The following ATP10B variants were observed in gnomAD, a reference collection of about 807,000 sequenced individuals.
ATP10B encodes the protein ATPase phospholipid transporting 10B (putative), also known as phospholipid-transporting ATPase VB.
In ATP10B, 122 loss-of-function variants were observed where a neutral mutation model predicts 141.2. That is an observed-to-expected ratio of 0.86 (90% CI 0.75 to 1.00). The LOEUF (loss-of-function observed/expected upper bound fraction) is 1.00. Among genes scored for constraint, ATP10B ranks in the 50% least tolerant of loss-of-function variants. The pLI is 0.00. For synonymous variants in ATP10B, 685 were observed against 692.0 expected, an observed-to-expected ratio of 0.99 and a Z score of 0.16; for missense variants, 1,876 against 1,825.3, an observed-to-expected ratio of 1.03 and a Z score of -0.51.
chr5:160,854,706 G>T (rs544722339), upstream of ATP10B, among the ~76,000 whole-genome samples: 13 of 152,200 alleles, frequency 8.5e-5, no homozygotes, highest in South Asian at 1.7e-3. Flanking sequence ...GGGTCAAATT[G>T]TATTTATGGT....
In ATP10B at chr5:160,660,682, A is replaced by T. The variant is rs570494622; in HGVS notation, c.675+9781T>A. On this transcript the variant is annotated intron_variant, in intron 7 of 25. Coordinates refer to ENST00000327245, the MANE Select transcript of ATP10B (RefSeq NM_025153.3). Reference sequence around the variant, plus strand: ...TAGATCTAAACAACCATCATCAATGACTATTAACAGTGAAAAAAGATAGAT... The same window carrying T: ...TAGATCTAAACAACCATCATCAATGTCTATTAACAGTGAAAAAAGATAGAT... Among the ~76,000 whole-genome samples the T allele has an allele frequency of 1.4e-4, 22 of 152,350 alleles. No individual in the cohort carries two copies. The South Asian group carries it at 4.3e-3, about 30-fold the overall frequency.
chr5:160,804,597 T>C (rs1466561616), intron 1 of ATP10B, among the ~76,000 whole-genome samples: 2 of 152,180 alleles, frequency 1.3e-5, no homozygotes, highest in African/African-American at 2.4e-5. Flanking sequence ...CCATGTCCCT[T>C]TAGTATCAAA....
At chr5:160,587,456 T>TAATTCTGTGAA (rs1395660795) in intron 24 of ATP10B, among the ~76,000 whole-genome samples, 2 of 152,242 alleles carry the variant, frequency 1.3e-5, no homozygotes, top group African/African-American at 4.8e-5. Flanking sequence ...TAGATTTTTC[T>TAATTCTGTGAA]AATTCTGTGA....
At chr5:160,896,622 G>A in the ATP10B span, among the ~76,000 whole-genome samples, 2 of 152,160 alleles carry the variant, frequency 1.3e-5, no homozygotes, top group Non-Finnish European at 2.9e-5. Context: ...GGTGCAAACA[G>A]GAGCTGGTAC....
At chr5:160,866,454 A>C in the ATP10B span, among the ~76,000 whole-genome samples, 1 of 152,038 alleles carries the variant, frequency 6.6e-6, no homozygotes. Flanking sequence ...CAGGTGGATC[A>C]CCTGAAGTCA....
chr5:160,795,597 G>C (rs572540101), intron 1 of ATP10B, among the ~76,000 whole-genome samples: 4 of 151,748 alleles, frequency 2.6e-5, no homozygotes, highest in Non-Finnish European at 4.4e-5. Context: ...TTGGGAAAAG[G>C]GTCTTTGCAG....
At chr5:160,841,332 C>T (rs1775796252) in intron 1 of ATP10B, among the ~76,000 whole-genome samples, 1 of 151,968 alleles carries the variant, frequency 6.6e-6, no homozygotes, top group Non-Finnish European at 1.5e-5. Flanking sequence ...TACATGTTAC[C>T]TTGTATAAAA....
intron 1 of ATP10B, among the ~76,000 whole-genome samples, chr5:160,839,399 G>A (rs1435072608): frequency 6.6e-6 from 1 of 152,116 alleles, no homozygotes; most frequent in East Asian, 1.9e-4. Context: ...ATGGGCCATG[G>A]CAAAGATATT....
At chr5:160,756,398 AATGGCT>A (rs1318187710) in intron 2 of ATP10B, among the ~76,000 whole-genome samples, 3 of 152,282 alleles carry the variant, frequency 2.0e-5, no homozygotes, top group Non-Finnish European at 4.4e-5. Context: ...TTAGGAGGGC[AATGGCT>A]TGGTTGAATA....
intron 6 of ATP10B, 116 bp downstream of exon 6, chr5:160,685,963 A>C: frequency 1.2e-6 from 1 of 853,170 alleles, no homozygotes; most frequent in Non-Finnish European, 1.7e-6. Flanking sequence ...CTTGAGAATC[A>C]GTGAATTAAA....
At chr5:160,878,723 A>C in the ATP10B span, among the ~76,000 whole-genome samples, 25 of 152,354 alleles carry the variant, frequency 1.6e-4, no homozygotes, top group Non-Finnish European at 3.5e-4. Context: ...AAAGTGGGCG[A>C]AGGACATGAA....
chr5:160,681,262 A>T (rs999933962), intron 6 of ATP10B, among the ~76,000 whole-genome samples: 5 of 152,234 alleles, frequency 3.3e-5, no homozygotes, highest in African/African-American at 1.2e-4. Flanking sequence ...GTGTAAATTT[A>T]TTTGGCTATG....
At chr5:160,864,512 A>G in the ATP10B span, among the ~76,000 whole-genome samples, 1 of 152,006 alleles carries the variant, frequency 6.6e-6, no homozygotes, top group Non-Finnish European at 1.5e-5. Context: ...TTTCCCTAGA[A>G]CAAGACAAGG....
chr5:160,838,633 A>G (rs1305778627), intron 1 of ATP10B, among the ~76,000 whole-genome samples: 1 of 152,188 alleles, frequency 6.6e-6, no homozygotes, highest in Non-Finnish European at 1.5e-5. Context: ...ATGGTTAGTA[A>G]TGTACATACT....
intron 24 of ATP10B, among the ~76,000 whole-genome samples, chr5:160,587,121 T>A (rs1249523824): frequency 6.6e-6 from 1 of 151,668 alleles, no homozygotes; most frequent in African/African-American, 2.4e-5. Flanking sequence ...TTGAGTTAAT[T>A]TTTGTATAAG....
At chr5:160,768,768 A>T (rs1053729811) in intron 2 of ATP10B, among the ~76,000 whole-genome samples, 1 of 152,202 alleles carries the variant, frequency 6.6e-6, no homozygotes, top group Admixed American at 6.5e-5. Context: ...ATCCAGAAAG[A>T]TGCATTCAGG....
At chr5:160,629,107 A>G (rs766027199) in intron 13 of ATP10B, among the ~76,000 whole-genome samples, 1 of 152,060 alleles carries the variant, frequency 6.6e-6, no homozygotes, top group Non-Finnish European at 1.5e-5. Context: ...GGGAAGGTAA[A>G]GAACTGGTGA....
intron 8 of ATP10B, among the ~76,000 whole-genome samples, chr5:160,644,642 T>C (rs1760145291): frequency 6.6e-6 from 1 of 152,170 alleles, no homozygotes; most frequent in African/African-American, 2.4e-5. Context: ...TTGTCCTCAC[T>C]GTTACACTCC....
At chr5:160,738,343 A>T (rs1355890521) in intron 2 of ATP10B, among the ~76,000 whole-genome samples, 1 of 152,074 alleles carries the variant, frequency 6.6e-6, no homozygotes, top group Non-Finnish European at 1.5e-5. Flanking sequence ...AAACTCAAGG[A>T]TCTAGGTTTC....
Sources: allele counts gnomAD v4.1 joint callset (sites outside exome capture counted in the v4.1 genomes callset), GRCh38; gene constraint gnomAD v4.1.1; transcripts MANE v1.5; gene names NCBI Gene and HGNC (gene_info 2026-07-23, HGNC 2026-07-21).